Variants in MCMDC2 observed in about 807,000 individuals in gnomAD.
MCMDC2 encodes minichromosome maintenance domain containing 2.
Under a neutral mutation model 75.8 loss-of-function variants are expected in MCMDC2, and 54 were observed. The ratio of observed to expected loss-of-function variants is 0.71; its 90% CI spans 0.57 to 0.89. The LOEUF (loss-of-function observed/expected upper bound fraction) is 0.89, where lower values mean the gene tolerates loss of function less well. MCMDC2 is among the 40% of genes least tolerant of loss of function. The probability of loss-of-function intolerance (pLI) is 0.00; values close to 1 mark genes in which losing one functional copy is unlikely to be tolerated. For synonymous variants in MCMDC2, 249 were observed against 274.6 expected (o/e 0.91, Z 0.92); for missense variants, 656 against 780.4 (o/e 0.84, Z 1.90).
At chr8:66,886,444 C>G (rs1232811416) in intron 9 of MCMDC2, among the ~76,000 whole-genome samples, 1 of 152,078 alleles carries the variant, frequency 6.6e-6, no homozygotes, top group African/African-American at 2.4e-5. Context: ...GGATTACAGG[C>G]ATGAGCCACT....
At chr8:66,881,444 T>C (rs1234785623) in intron 8 of MCMDC2, among the ~76,000 whole-genome samples, 2 of 152,190 alleles carry the variant, frequency 1.3e-5, no homozygotes, top group Non-Finnish European at 2.9e-5. Context: ...ATCCCAGCAC[T>C]GTGGGAGGCC....
intron 9 of MCMDC2, chr8:66,884,569 A>G (rs1274029363): frequency 1.3e-5 from 2 of 151,808 alleles, no homozygotes; most frequent in Non-Finnish European, 2.9e-5. Flanking sequence ...AGCAAAAAAT[A>G]AATTTACAAA....
In MCMDC2 at chr8:66,921,036, G is replaced by A. The variant is rs1236117428; in HGVS notation, c.*1867G>A. On this transcript the variant is annotated 3_prime_UTR_variant, in exon 15 of 15. Coordinates refer to ENST00000422365, the MANE Select transcript of MCMDC2 (RefSeq NM_173518.5). ...ATATGTAGCTGTCACCCAAGCTGTAGTGTACTGATGCAATCATAGCTCACT... is the reference window on the plus strand; with the variant it reads ...ATATGTAGCTGTCACCCAAGCTGTAATGTACTGATGCAATCATAGCTCACT... 6.6e-6 allele frequency: 1 copy of A among 151,990 alleles called. No homozygotes were observed. The highest frequency in any genetic ancestry group is 1.5e-5 in the Non-Finnish European group (1 of 68,010). 9.4% of individuals were successfully genotyped at this position (151,990 alleles called of 1,614,324 possible). A position where few individuals can be genotyped will look rare whatever the true frequency, so the allele number is the denominator to read the frequency against.
At chr8:66,918,625 C>G (rs867226087) in intron 14 of MCMDC2, among the ~76,000 whole-genome samples, 3 of 152,156 alleles carry the variant, frequency 2.0e-5, no homozygotes, top group Non-Finnish European at 4.4e-5. Flanking sequence ...TTTCTCCCTA[C>G]TCCTGTCACC....
chr8:66,917,457 T>C (rs1046002025), intron 14 of MCMDC2, among the ~76,000 whole-genome samples: 1 of 152,240 alleles, frequency 6.6e-6, no homozygotes, highest in Non-Finnish European at 1.5e-5. Flanking sequence ...TTCAGTTCAG[T>C]GTGTTTAGTA....
At chr8:66,888,715 A>G (rs1292782184) in intron 9 of MCMDC2, among the ~76,000 whole-genome samples, 3 of 152,208 alleles carry the variant, frequency 2.0e-5, no homozygotes, top group Admixed American at 2.0e-4. Context: ...TTGACTTTGT[A>G]TTCTGTGACC....
At chr8:66,915,222 G>A (rs972927709) in intron 14 of MCMDC2, among the ~76,000 whole-genome samples, 8 of 152,160 alleles carry the variant, frequency 5.3e-5, no homozygotes, top group Non-Finnish European at 1.2e-4. Context: ...GGGAGGCCAA[G>A]GTGGGCAGAT....
At chr8:66,886,542 G>A (rs1563373971) in intron 9 of MCMDC2, among the ~76,000 whole-genome samples, 1 of 152,100 alleles carries the variant, frequency 6.6e-6, no homozygotes, top group African/African-American at 2.4e-5. Context: ...GGAGGCTGAG[G>A]CAGGCAGATC....
chr8:66,881,222 A>G (rs989645932), intron 8 of MCMDC2, among the ~76,000 whole-genome samples: 2 of 152,216 alleles, frequency 1.3e-5, no homozygotes, highest in African/African-American at 4.8e-5. Flanking sequence ...TGTTGTGGAA[A>G]CTTTCTAGCA....
At chr8:66,883,691 C>T in intron 8 of MCMDC2, 66 bp from the exon 9 acceptor site, 5 of 838,084 alleles carry the variant, frequency 6.0e-6, no homozygotes, top group African/African-American at 1.7e-5. Context: ...TAAAGGGAGT[C>T]AAATATCTAT....
intron 1 of MCMDC2, among the ~76,000 whole-genome samples, chr8:66,872,078 A>C (rs1330821435): frequency 1.3e-5 from 2 of 152,158 alleles, no homozygotes; most frequent in African/African-American, 2.4e-5. Context: ...CAAAGATGTG[A>C]TGTTCTGAAC....
intron 11 of MCMDC2, 133 bp from the exon 12 acceptor site, chr8:66,896,647 T>G (rs1338814096): frequency 1.3e-5 from 9 of 689,834 alleles, no homozygotes; most frequent in Non-Finnish European, 1.4e-5. Flanking sequence ...AAAATTACCT[T>G]AAATTATAAT....
chr8:66,911,552 G>T (rs1048345397), intron 14 of MCMDC2, among the ~76,000 whole-genome samples: 3 of 152,190 alleles, frequency 2.0e-5, no homozygotes, highest in South Asian at 4.1e-4. Context: ...GGCCGAGCGT[G>T]GTGGCTCACG....
intron 12 of MCMDC2, among the ~76,000 whole-genome samples, chr8:66,898,729 C>T (rs988837091): frequency 6.6e-6 from 1 of 151,766 alleles, no homozygotes; most frequent in Non-Finnish European, 1.5e-5. Flanking sequence ...AAGGAAGATA[C>T]CCATGTAGAA....
In MCMDC2 at chr8:66,896,152, T is replaced by C; in HGVS notation, c.1280-18T>C. On this transcript the variant is annotated intron_variant, in intron 10 of 14. Transcript: ENST00000422365. The stretch of plus-strand genomic sequence containing the variant: ...AAAATGAACTTAAATAACAAATGGA[T>C]AATGTCTTCTGACTTAGTTCTGGAG... 1 of 1,594,076 alleles carries C rather than the reference T, an allele frequency of 6.3e-7. No homozygotes were observed. The highest frequency in any genetic ancestry group is 8.5e-7 in the Non-Finnish European group (1 of 1,175,572).
intron 10 of MCMDC2, among the ~76,000 whole-genome samples, chr8:66,895,743 A>G (rs1264254475): frequency 6.6e-6 from 1 of 152,048 alleles, no homozygotes; most frequent in Non-Finnish European, 1.5e-5. Flanking sequence ...AATTTGAGAT[A>G]TATTTCCCCC....
intron 9 of MCMDC2, among the ~76,000 whole-genome samples, chr8:66,888,315 C>A (rs148740192): frequency 1.3e-5 from 2 of 152,280 alleles, no homozygotes; most frequent in African/African-American, 4.8e-5. Context: ...CTCTCAGGCT[C>A]AAGTGATCTT....
At chr8:66,896,132 G>T in intron 10 of MCMDC2, 38 bp from the exon 11 acceptor site, 2 of 1,577,122 alleles carry the variant, frequency 1.3e-6, no homozygotes, top group South Asian at 2.4e-5. Flanking sequence ...AGACCAAAAT[G>T]AACTTAAATA....
At chr8:66,892,259 T>C (rs574928068) in intron 10 of MCMDC2, among the ~76,000 whole-genome samples, 20 of 152,328 alleles carry the variant, frequency 1.3e-4, no homozygotes, top group African/African-American at 4.8e-4. Flanking sequence ...ACTCCTGCAG[T>C]CCAGCAAACA....
Sources: gnomAD v4.1 joint callset for allele counts (sites outside exome capture counted in the v4.1 genomes callset) on GRCh38, gnomAD v4.1.1 for gene constraint, MANE v1.5 for transcripts, NCBI Gene and HGNC (gene_info 2026-07-23, HGNC 2026-07-21) for gene names.